AMOTL1: variants seen among roughly 807,000 people sequenced by gnomAD.
AMOTL1 encodes angiomotin like 1, also known as angiomotin-like protein 1.
A neutral mutation model predicts 102.9 loss-of-function variants in AMOTL1; 45 were observed. The observed-to-expected ratio is 0.44, with a 90% confidence interval of 0.34 to 0.56. The LOEUF (loss-of-function observed/expected upper bound fraction) is 0.56. Ranked by LOEUF, AMOTL1 falls within the 20% of genes least tolerant of loss-of-function variation. The pLI is 0.01. For missense variants in AMOTL1, 1,114 were observed against 1,225.6 expected (o/e 0.91, Z 1.36); for synonymous variants, 481 against 484.7 (o/e 0.99, Z 0.10).
chr11:94,788,877 C>G (rs1381458742), intron 1 of AMOTL1, among the ~76,000 whole-genome samples: 2 of 152,196 alleles, frequency 1.3e-5, no homozygotes, highest in African/African-American at 2.4e-5. Flanking sequence ...AACACACATT[C>G]CACTTTCAGA....
chr11:94,767,969 A>C (rs1950875878), upstream of AMOTL1, among the ~76,000 whole-genome samples: 1 of 152,124 alleles, frequency 6.6e-6, no homozygotes, highest in Non-Finnish European at 1.5e-5. Context: ...TGGAAATTCC[A>C]CTTAAGAAGA....
chr11:94,720,553 C>G (rs182301624), intron 1 of AMOTL1, among the ~76,000 whole-genome samples: 2 of 152,110 alleles, frequency 1.3e-5, no homozygotes, highest in African/African-American at 2.4e-5. Flanking sequence ...CCACATACCT[C>G]CCTCACCTAA....
At chr11:94,863,405 C>T (rs537394752) in intron 9 of AMOTL1, among the ~76,000 whole-genome samples, 1 of 152,102 alleles carries the variant, frequency 6.6e-6, no homozygotes, top group East Asian at 1.9e-4. Context: ...CCAGCCTGAC[C>T]AACGTGGTGA....
chr11:94,789,167 T>C (rs967638150), intron 1 of AMOTL1, among the ~76,000 whole-genome samples: 4 of 152,178 alleles, frequency 2.6e-5, no homozygotes, highest in African/African-American at 9.7e-5. Flanking sequence ...TTTCTGTATT[T>C]TTATTTTTTG....
intron 6 of AMOTL1, among the ~76,000 whole-genome samples, chr11:94,842,258 A>T (rs534409844): frequency 6.6e-6 from 1 of 152,334 alleles, no homozygotes; most frequent in Non-Finnish European, 1.5e-5. Flanking sequence ...CTACGAAGAT[A>T]GAAGGGTTTC....
chr11:94,800,271 G>A lies in AMOTL1; in HGVS notation c.1081G>A (p.Val361Ile), dbSNP rs371990968. ...APQPVRTDVA[V>I]LRYQPPPEYG... Reference sequence around the variant, plus strand: ...TCAGCCTGTGAGAACAGATGTGGCCGTCCTGCGGTACCAGCCACCCCCTGA... The same window carrying A: ...TCAGCCTGTGAGAACAGATGTGGCCATCCTGCGGTACCAGCCACCCCCTGA... The change falls in exon 3 of 13, where the codon GTC (valine) becomes ATC (isoleucine). Residue 361 changes from valine (V) to isoleucine (I), a missense_variant. Coordinates refer to ENST00000433060, the MANE Select transcript of AMOTL1 (RefSeq NM_130847.3). The A allele has an allele frequency of 4.7e-5, 76 of 1,612,784 alleles. No homozygotes were observed. The highest frequency in any genetic ancestry group is 6.6e-5 in the South Asian group (6 of 90,874).
chr11:94,867,785 C>T (rs1352935389), intron 11 of AMOTL1, among the ~76,000 whole-genome samples: 1 of 152,154 alleles, frequency 6.6e-6, no homozygotes, highest in African/African-American at 2.4e-5. Context: ...CCTGTCACTC[C>T]CTACGAGGAC....
chr11:94,737,621 C>G (rs957816720), intron 2 of AMOTL1, among the ~76,000 whole-genome samples: 1 of 152,156 alleles, frequency 6.6e-6, no homozygotes, highest in African/African-American at 2.4e-5. Flanking sequence ...CTGGCTGATC[C>G]CAAGGCCTTC....
intron 4 of AMOTL1, among the ~76,000 whole-genome samples, chr11:94,829,000 T>C (rs898457831): frequency 6.6e-6 from 1 of 152,250 alleles, no homozygotes; most frequent in African/African-American, 2.4e-5. Context: ...ATGGGATTTA[T>C]TGATATCTAC....
chr11:94,851,777 T>C (rs1433697608), intron 7 of AMOTL1, among the ~76,000 whole-genome samples: 2 of 152,242 alleles, frequency 1.3e-5, no homozygotes, highest in East Asian at 3.8e-4. Context: ...GGCATGGTAG[T>C]GTTCCAACAG....
intron 1 of AMOTL1, among the ~76,000 whole-genome samples, chr11:94,777,783 T>C (rs1375104603): frequency 6.6e-6 from 1 of 152,230 alleles, no homozygotes; most frequent in Non-Finnish European, 1.5e-5. Flanking sequence ...GGACAGAATA[T>C]AAATTAGGCA....
chr11:94,734,977 T>C (rs1366162686), intron 2 of AMOTL1, among the ~76,000 whole-genome samples: 5 of 152,244 alleles, frequency 3.3e-5, no homozygotes, highest in Admixed American at 3.3e-4. Flanking sequence ...ATCATTTGGC[T>C]GGATAAAGTT....
chr11:94,761,338 G>A, intron 3 of AMOTL1, among the ~76,000 whole-genome samples: 1 of 151,676 alleles, frequency 6.6e-6, no homozygotes, highest in Admixed American at 6.6e-5. Flanking sequence ...ACAGGCACCT[G>A]CCACCATGCC....
chr11:94,846,392 G>A lies in AMOTL1; in HGVS notation c.1649-3722G>A, dbSNP rs543050017. Among the ~76,000 whole-genome samples the A allele has an allele frequency of 5.1e-4, 77 of 152,294 alleles. 1 individual carries two copies. Among genetic ancestry groups the A allele is most frequent in the African/African-American group, 1.7e-3 (71 of 41,552 alleles). ...TGTTATCGAAGTTGACATTCATCGG[G>A]AACTTACTATATGCCTTTTGAAATA... On this transcript the variant is annotated intron_variant, in intron 6 of 12. Coordinates refer to ENST00000433060, the MANE Select transcript of AMOTL1 (RefSeq NM_130847.3).
At chr11:94,711,446 T>A (rs1950020778) in intron 1 of AMOTL1, among the ~76,000 whole-genome samples, 1 of 152,114 alleles carries the variant, frequency 6.6e-6, no homozygotes, top group African/African-American at 2.4e-5. Context: ...TCAGATTTTA[T>A]CAGCTATGCA....
chr11:94,716,900 G>T (rs1296740259), intron 1 of AMOTL1, among the ~76,000 whole-genome samples: 1 of 152,106 alleles, frequency 6.6e-6, no homozygotes, highest in African/African-American at 2.4e-5. Flanking sequence ...GCTGCAGGCA[G>T]ATCAGTCTCT....
chr11:94,743,794 G>T (rs918233563), intron 3 of AMOTL1, among the ~76,000 whole-genome samples: 1 of 151,390 alleles, frequency 6.6e-6, no homozygotes, highest in African/African-American at 2.4e-5. Context: ...AACTAGCTGG[G>T]ATTACAGGTG....
intron 6 of AMOTL1, among the ~76,000 whole-genome samples, chr11:94,839,264 G>A (rs532263895): frequency 1.9e-4 from 29 of 152,314 alleles, no homozygotes; most frequent in South Asian, 1.0e-3. Flanking sequence ...ATTTAACAAC[G>A]GTAACAGCTG....
At chr11:94,735,420 A>G (rs1189768777) in intron 2 of AMOTL1, among the ~76,000 whole-genome samples, 2 of 152,256 alleles carry the variant, frequency 1.3e-5, no homozygotes, top group East Asian at 3.8e-4. Flanking sequence ...TTACTGAGGA[A>G]CGAGGGAGCT....
Sources: gnomAD v4.1 joint callset for allele counts (sites outside exome capture counted in the v4.1 genomes callset) on GRCh38, gnomAD v4.1.1 for gene constraint, MANE v1.5 for transcripts, NCBI Gene and HGNC (gene_info 2026-07-23, HGNC 2026-07-21) for gene names.